Variants in TGFB2 observed in about 807,000 individuals in gnomAD.
TGFB2 encodes the protein transforming growth factor beta-2 proprotein.
In TGFB2, 13 loss-of-function variants were observed where a neutral mutation model predicts 42.7. The ratio of observed to expected loss-of-function variants is 0.30; its 90% CI spans 0.20 to 0.48. The LOEUF (loss-of-function observed/expected upper bound fraction) is 0.48. Ranked by LOEUF, TGFB2 falls within the 20% of genes least tolerant of loss-of-function variation. The pLI, the probability that TGFB2 is intolerant of heterozygous loss-of-function variation, is 0.99. For synonymous variants in TGFB2, 193 were observed against 193.6 expected, an observed-to-expected ratio of 1.00 and a Z score of 0.03; for missense variants, 390 against 517.5, an observed-to-expected ratio of 0.75 and a Z score of 2.39.
intron 1 of TGFB2, among the ~76,000 whole-genome samples, chr1:218,351,275 T>C (rs1003259260): frequency 6.6e-6 from 1 of 152,212 alleles, no homozygotes; most frequent in Admixed American, 6.5e-5. Flanking sequence ...ACTATTTTAT[T>C]TTTTAGGATT....
At chr1:218,386,618 C>T (rs995372679) in intron 1 of TGFB2, among the ~76,000 whole-genome samples, 6 of 152,156 alleles carry the variant, frequency 3.9e-5, no homozygotes, top group African/African-American at 7.2e-5. Context: ...TAGAGGCAGA[C>T]CCCAGGGCCA....
At chr1:218,398,945 C>G (rs1257534215) in intron 1 of TGFB2, among the ~76,000 whole-genome samples, 1 of 152,046 alleles carries the variant, frequency 6.6e-6, no homozygotes, top group Non-Finnish European at 1.5e-5. Context: ...TGCAGTGACT[C>G]AGTCATGGCT....
chr1:218,415,150 A>G lies in TGFB2; in HGVS notation c.510+9818A>G, dbSNP rs187491910. Among the ~76,000 whole-genome samples, 11 of 152,364 alleles carry G rather than the reference A, an allele frequency of 7.2e-5. No homozygotes were observed. In the East Asian group the frequency reaches 2.1e-3, roughly 29 times the overall value. ...TATAAGGCATAGAGATAATGCATGG[A>G]AACTTCTAGCACAGTATCTGTATCC... On this transcript the variant is annotated intron_variant, in intron 2 of 6. Transcript: ENST00000366930.
At chr1:218,429,044 G>A (rs534292424) in intron 2 of TGFB2, among the ~76,000 whole-genome samples, 18 of 137,868 alleles carry the variant, frequency 1.3e-4, no homozygotes, top group African/African-American at 4.3e-4. Context: ...GCAGTGGCAC[G>A]ATCTCAGCTC....
In TGFB2 at chr1:218,437,320, CTTTTTTT is replaced by C; in HGVS notation, c.933-12_933-6del. The C allele has an allele frequency of 1.4e-6, 2 of 1,430,318 alleles. No individual in the cohort carries two copies. The highest frequency in any genetic ancestry group is 2.9e-5 in the South Asian group (2 of 67,964). 88.6% of individuals were successfully genotyped at this position (1,430,318 alleles called of 1,614,324 possible). A position where few individuals can be genotyped will look rare whatever the true frequency, so the allele number is the denominator to read the frequency against. On this transcript the variant is annotated splice_polypyrimidine_tract_variant and intron_variant, in intron 5 of 6. Coordinates refer to ENST00000366930, the MANE Select transcript of TGFB2 (RefSeq NM_003238.6). ...TGAATCAGCTTTAAAATCTCCATTG[CTTTTTTT>C]TTTTTTTTTTAACAGAAATGTGCAG...
chr1:218,396,846 T>C (rs1311517152), intron 1 of TGFB2, among the ~76,000 whole-genome samples: 3 of 152,224 alleles, frequency 2.0e-5, no homozygotes, highest in African/African-American at 7.2e-5. Context: ...TTGATTAAAA[T>C]GTGCAGTCAA....
Position 218,346,964 on chromosome 1 carries a change from C to G in TGFB2, c.263C>G (p.Ala88Gly). 6.2e-7 allele frequency: 1 copy of G among 1,613,970 alleles called. No homozygotes were observed. ...GAGAAGGCGAGCCGGAGGGCGGCCG[C>G]CTGCGAGCGCGAGAGGAGCGACGAA... Reference protein sequence around the residue: ...LQEKASRRAAACERERSDEEY... With the variant: ...LQEKASRRAAGCERERSDEEY... Residue 88 changes from alanine (A) to glycine (G), a missense_variant, in exon 1 of 7, where the codon GCC becomes GGC. Ala to Gly is a moderately conservative substitution (Grantham distance 60). Transcript: ENST00000366930. This position sits in a 1 kb window ranked among gnomAD's most constrained non-coding sequence, Gnocchi z 4.9.
chr1:218,347,284 G>T (rs952466271), intron 1 of TGFB2, among the ~76,000 whole-genome samples: 20 of 152,208 alleles, frequency 1.3e-4, no homozygotes, highest in African/African-American at 4.8e-4. Flanking sequence ...ACAATTCGGT[G>T]CTTTAAAAGG....
At chr1:218,410,173 G>T (rs1437970512) in intron 2 of TGFB2, among the ~76,000 whole-genome samples, 2 of 152,214 alleles carry the variant, frequency 1.3e-5, no homozygotes, top group African/African-American at 4.8e-5. Context: ...TTAAAATATA[G>T]CCCAAGAGTT....
intron 1 of TGFB2, among the ~76,000 whole-genome samples, chr1:218,385,364 G>A (rs1277532998): frequency 6.6e-6 from 1 of 152,214 alleles, no homozygotes; most frequent in Admixed American, 6.5e-5. Context: ...ACAAAAGGAC[G>A]TGGACATGCA....
Position 218,346,654 on chromosome 1 carries a change from TTTTA to T in TGFB2, c.-45_-42del, listed in dbSNP as rs746128156. 1 of 1,498,702 alleles carries T rather than the reference TTTTA, an allele frequency of 6.7e-7. No individual in the cohort carries two copies. The highest frequency in any genetic ancestry group is 2.2e-5 in the Admixed American group (1 of 45,556). 92.8% of individuals were successfully genotyped at this position (1,498,702 alleles called of 1,614,324 possible). On this transcript the variant is annotated 5_prime_UTR_variant, in exon 1 of 7. Transcript: ENST00000366930. The surrounding 1 kb of genome is among the most constrained non-coding windows in gnomAD (Gnocchi z 4.9). Reference sequence around the variant, plus strand: ...ACTTTGAGAATTGTTGATTTCTTTTTTTTATTCTGACTTTTAAAAACAACTTTTT... The same window carrying T: ...ACTTTGAGAATTGTTGATTTCTTTTTTTCTGACTTTTAAAAACAACTTTTT...
At chr1:218,368,443 G>C (rs1253550239) in intron 1 of TGFB2, among the ~76,000 whole-genome samples, 1 of 152,148 alleles carries the variant, frequency 6.6e-6, no homozygotes, top group African/African-American at 2.4e-5. Flanking sequence ...GGCCTATTCA[G>C]CTGTGTTTAT....
chr1:218,373,225 A>T (rs1300592669), intron 1 of TGFB2, among the ~76,000 whole-genome samples: 4 of 152,152 alleles, frequency 2.6e-5, no homozygotes, highest in Middle Eastern at 3.4e-3. Flanking sequence ...GGAGTTGAGA[A>T]CCTGTATTTT....
intron 1 of TGFB2, among the ~76,000 whole-genome samples, chr1:218,349,338 C>CAA (rs200107435): frequency 6.6e-6 from 1 of 150,954 alleles, no homozygotes; most frequent in African/African-American, 2.4e-5. Context: ...CAAACCCTTC[C>CAA]AAAAAAAAGG....
chr1:218,377,467 C>T (rs1348891781), intron 1 of TGFB2, among the ~76,000 whole-genome samples: 1 of 152,158 alleles, frequency 6.6e-6, no homozygotes, highest in Non-Finnish European at 1.5e-5. Flanking sequence ...TTCAATACAA[C>T]TGCAATCAAT....
At chr1:218,434,542 C>G in intron 4 of TGFB2, 94 bp downstream of exon 4, 1 of 761,602 alleles carries the variant, frequency 1.3e-6, no homozygotes, top group Non-Finnish European at 2.2e-6. Context: ...GAAAATGAGA[C>G]TGGTAAGGCC....
intron 1 of TGFB2, among the ~76,000 whole-genome samples, chr1:218,400,969 CTG>C (rs1296478018): frequency 1.3e-5 from 2 of 152,182 alleles, no homozygotes; most frequent in Admixed American, 6.5e-5. Context: ...CCCCAGCCCT[CTG>C]TGCATGCTCC....
At chr1:218,427,944 C>T (rs1227650171) in intron 2 of TGFB2, among the ~76,000 whole-genome samples, 1 of 152,138 alleles carries the variant, frequency 6.6e-6, no homozygotes, top group African/African-American at 2.4e-5. Context: ...GTTTACAGTC[C>T]CACCAACAGT....
rs34825461 is a variant in TGFB2, at chr1:218,369,256, G to GAAAAAAA, written c.346+22240_346+22246dup. 2.8e-4 allele frequency among the ~76,000 whole-genome samples: 10 copies of GAAAAAAA among 35,658 alleles called. 3 individuals carry two copies. The highest frequency in any genetic ancestry group is 3.7e-3 in the South Asian group (2 of 544). 23.4% of individuals were successfully genotyped at this position (35,658 alleles called of 152,430 possible). ...GGCAACAAAGCAAGATTCCGTCTCAGAAAAAAAAAAAAAAAAAAAAAAAAA... is the reference window on the plus strand; with the variant it reads ...GGCAACAAAGCAAGATTCCGTCTCAGAAAAAAAAAAAAAAAAAAAAAAAAAAAAAAAA... On this transcript the variant is annotated intron_variant, in intron 1 of 6. Transcript: ENST00000366930.
Sources: gnomAD v4.1 joint callset for allele counts (sites outside exome capture counted in the v4.1 genomes callset) on GRCh38, gnomAD v4.1.1 for gene constraint, Gnocchi (gnomAD v3.1) non-coding constraint, MANE v1.5 for transcripts, NCBI Gene and HGNC (gene_info 2026-07-23, HGNC 2026-07-21) for gene names.